Variants in MAPK8 observed in about 807,000 individuals in gnomAD.
MAPK8 encodes the protein JUN N-terminal kinase.
A neutral mutation model predicts 52.9 loss-of-function variants in MAPK8; 13 were observed. The ratio of observed to expected loss-of-function variants is 0.25; its 90% CI spans 0.16 to 0.39. The LOEUF is 0.39. Among genes scored for constraint, MAPK8 ranks in the 10% least tolerant of loss-of-function variants. The pLI, the probability that MAPK8 is intolerant of heterozygous loss-of-function variation, is 1.00. For missense variants in MAPK8, 300 were observed against 519.2 expected, an observed-to-expected ratio of 0.58 and a Z score of 4.10; for synonymous variants, 191 against 169.8, an observed-to-expected ratio of 1.12 and a Z score of -0.97.
At chr10:48,355,482 C>T (rs1846812679) in intron 1 of MAPK8, among the ~76,000 whole-genome samples, 1 of 134,154 alleles carries the variant, frequency 7.5e-6, no homozygotes, top group Non-Finnish European at 1.5e-5. Context: ...GCACTCCAGC[C>T]TGGGTGACAG....
intron 1 of MAPK8, among the ~76,000 whole-genome samples, chr10:48,392,000 A>C (rs946599497): frequency 6.6e-6 from 1 of 152,174 alleles, no homozygotes; most frequent in African/African-American, 2.4e-5. Context: ...GTGTTCAGCT[A>C]TCCGAAAGTT....
chr10:48,359,992 C>T (rs771739913), intron 1 of MAPK8, among the ~76,000 whole-genome samples: 28 of 152,054 alleles, frequency 1.8e-4, no homozygotes, highest in Non-Finnish European at 4.1e-4. Flanking sequence ...ATTTGCAACA[C>T]ATAATTGAGA....
intron 1 of MAPK8, among the ~76,000 whole-genome samples, chr10:48,323,026 C>A (rs982998247): frequency 6.6e-6 from 1 of 152,048 alleles, no homozygotes; most frequent in African/African-American, 2.4e-5. Flanking sequence ...TCATAAGATT[C>A]TCTGTTTGAA....
chr10:48,425,022 TACTG>T (rs1204818458), intron 7 of MAPK8, among the ~76,000 whole-genome samples: 1 of 152,272 alleles, frequency 6.6e-6, no homozygotes. Flanking sequence ...TCACATAACA[TACTG>T]ACCCTTTCAT....
intron 1 of MAPK8, among the ~76,000 whole-genome samples, chr10:48,401,185 T>C (rs779532175): frequency 6.6e-6 from 1 of 152,250 alleles, no homozygotes; most frequent in African/African-American, 2.4e-5. Context: ...TAAATGAGAC[T>C]TAACCATTTT....
chr10:48,401,551 T>A, intron 1 of MAPK8, 61 bp from the exon 2 acceptor site: 1 of 1,166,188 alleles, frequency 8.6e-7, no homozygotes, highest in Non-Finnish European at 1.2e-6. Flanking sequence ...CAGTAAGGAC[T>A]CAAATTTTAA....
intron 10 of MAPK8, among the ~76,000 whole-genome samples, chr10:48,427,900 C>T (rs868111763): frequency 1.3e-5 from 2 of 152,188 alleles, no homozygotes; most frequent in African/African-American, 4.8e-5. Context: ...ATATATCCAT[C>T]TCCCTCTTGG....
At chr10:48,399,890 T>C (rs935919729) in intron 1 of MAPK8, among the ~76,000 whole-genome samples, 1 of 152,224 alleles carries the variant, frequency 6.6e-6, no homozygotes, top group Admixed American at 6.5e-5. Context: ...AACTTTGTGC[T>C]CAGCCTCTGC....
At position 48,351,484 on chromosome 10, in the gene MAPK8, G is replaced by C. The variant is rs556746410; in HGVS notation, c.-50+44663G>C. On this transcript the variant is annotated intron_variant, in intron 1 of 11. Coordinates refer to ENST00000374189, the MANE Select transcript of MAPK8 (RefSeq NM_001323329.2). Reference sequence around the variant, plus strand: ...CTTAGCCTCCCAAAGTGTTGGGATTGTACCCATGAGTCATGGCACCTCGCC... The same window carrying C: ...CTTAGCCTCCCAAAGTGTTGGGATTCTACCCATGAGTCATGGCACCTCGCC... 2.0e-5 allele frequency among the ~76,000 whole-genome samples: 3 copies of C among 151,822 alleles called. No homozygotes were observed. In the South Asian group the frequency reaches 6.3e-4, roughly 32 times the overall value.
intron 1 of MAPK8, among the ~76,000 whole-genome samples, chr10:48,308,619 A>G (rs553032004): frequency 2.6e-5 from 4 of 152,344 alleles, no homozygotes; most frequent in African/African-American, 9.6e-5. Context: ...TAATCCACAC[A>G]CAGGCACTCA....
At chr10:48,349,518 C>G (rs1405698728) in intron 1 of MAPK8, among the ~76,000 whole-genome samples, 3 of 152,172 alleles carry the variant, frequency 2.0e-5, no homozygotes, top group African/African-American at 4.8e-5. Context: ...TCCTGAATGA[C>G]TACTGGGTAA....
At chr10:48,424,024 A>T in intron 6 of MAPK8, 64 bp from the exon 7 acceptor site, 6 of 1,303,020 alleles carry the variant, frequency 4.6e-6, no homozygotes, top group East Asian at 2.3e-5. Flanking sequence ...CAGTCATATT[A>T]TGCTTCTTTG....
chr10:48,364,189 G>C (rs1214301305), intron 1 of MAPK8, among the ~76,000 whole-genome samples: 1 of 152,106 alleles, frequency 6.6e-6, no homozygotes, highest in Non-Finnish European at 1.5e-5. Context: ...GGCAGTGGAG[G>C]GAAATACCAG....
chr10:48,410,134 T>G lies in MAPK8; in HGVS notation c.416T>G (p.Ile139Ser). Residue 139 changes from isoleucine (I) to serine (S), a missense_variant, in exon 5 of 12, where the codon ATC (isoleucine) becomes AGC (serine). By Grantham distance (142) the Ile-to-Ser change is moderately radical. This residue lies in a region of MAPK8 where 147 missense variants were observed against 328.1 expected (regional missense o/e 0.45). Transcript: ENST00000374189. ...CTTCTCTATCAGATGCTGTGTGGAA[T>G]CAAGCACCTTCATTCTGCTGGAATT... The part of the protein sequence containing the change: ...SYLLYQMLCG[I>S]KHLHSAGIIH... 1 of 1,566,408 alleles carries G rather than the reference T, an allele frequency of 6.4e-7. No homozygotes were observed. The highest frequency in any genetic ancestry group is 8.6e-7 in the Non-Finnish European group (1 of 1,158,544).
intron 3 of MAPK8, among the ~76,000 whole-genome samples, chr10:48,407,857 C>T (rs565703781): frequency 6.6e-6 from 1 of 152,274 alleles, no homozygotes; most frequent in Admixed American, 6.5e-5. Flanking sequence ...TAATACCTCT[C>T]TTCTACTCTA....
At chr10:48,355,583 C>T (rs1032410068) in intron 1 of MAPK8, among the ~76,000 whole-genome samples, 12 of 150,684 alleles carry the variant, frequency 8.0e-5, no homozygotes, top group African/African-American at 2.4e-4. Flanking sequence ...AAATAATGAA[C>T]TGAATAATTA....
At chr10:48,401,154 G>GT (rs1318663678) in intron 1 of MAPK8, among the ~76,000 whole-genome samples, 1 of 152,048 alleles carries the variant, frequency 6.6e-6, no homozygotes, top group African/African-American at 2.4e-5. Context: ...ATTTCCATTT[G>GT]TTGTTCCCTC....
intron 3 of MAPK8, among the ~76,000 whole-genome samples, chr10:48,406,402 G>A (rs2042473794): frequency 6.6e-6 from 1 of 152,260 alleles, no homozygotes; most frequent in African/African-American, 2.4e-5. Context: ...GAGGAGTTCA[G>A]TTAATCCTAC....
chr10:48,378,099 G>A (rs761266922), intron 1 of MAPK8, among the ~76,000 whole-genome samples: 2 of 151,988 alleles, frequency 1.3e-5, no homozygotes, highest in African/African-American at 2.4e-5. Flanking sequence ...CCCTCCCTCC[G>A]CAACCTTTAC....
Sources: gnomAD v4.1 joint callset for allele counts (sites outside exome capture counted in the v4.1 genomes callset) on GRCh38, gnomAD v4.1.1 for gene constraint, gnomAD v4.1.1 regional missense constraint, MANE v1.5 for transcripts, NCBI Gene and HGNC (gene_info 2026-07-23, HGNC 2026-07-21) for gene names.